The following MTTP variants were observed in gnomAD, a reference collection of about 807,000 sequenced individuals.
MTTP encodes microsomal triglyceride transfer protein large subunit.
A neutral mutation model predicts 90.6 loss-of-function variants in MTTP; 49 were observed. The ratio of observed to expected loss-of-function variants is 0.54; its 90% confidence interval spans 0.43 to 0.69. MTTP has a LOEUF of 0.69. Ranked by LOEUF, MTTP falls within the 30% of genes least tolerant of loss-of-function variation. The probability of loss-of-function intolerance (pLI) is 0.00; values close to 1 mark genes in which losing one functional copy is unlikely to be tolerated. For synonymous variants in MTTP, 347 were observed against 384.2 expected, an observed-to-expected ratio of 0.90 and a Z score of 1.13; for missense variants, 945 against 1,067.5, an observed-to-expected ratio of 0.89 and a Z score of 1.60.
intron 8 of MTTP, among the ~76,000 whole-genome samples, chr4:99,598,653 CTTTTTT>C (rs745529189): frequency 0.2 from 16,315 of 81,760 alleles, 1,377 homozygotes; most frequent in East Asian, 0.47. Context: ...TCAAGGAAGT[CTTTTTT>C]TTTTTTTTTT....
intron 1 of MTTP, among the ~76,000 whole-genome samples, chr4:99,567,772 G>C (rs936546554): frequency 6.6e-6 from 1 of 152,098 alleles, no homozygotes; most frequent in Non-Finnish European, 1.5e-5. Context: ...AGAGGAGACA[G>C]ATCTCAGAAA....
intron 4 of MTTP, 29 bp downstream of exon 4, chr4:99,589,779 C>T: frequency 1.5e-6 from 2 of 1,339,474 alleles, no homozygotes; most frequent in Non-Finnish European, 2.1e-6. Flanking sequence ...AAGGATTCAG[C>T]ATCTCAATAA....
rs773080754 is a variant in MTTP, at chr4:99,591,736, C to A, written c.704C>A (p.Thr235Lys). Residue 235 changes from threonine (T) to lysine (K), a missense_variant, in exon 6 of 18, where the codon ACA becomes AAA. Thr to Lys is a moderately conservative substitution (Grantham distance 78). Transcript: ENST00000265517. ...GTTATAGCTGTGCTTGCTGAAGAAA[C>A]ACACAATTTTGGACTGAATTTCCTA... is the stretch of plus-strand genomic sequence containing the variant. Reference protein sequence around the residue: ...SFVIAVLAEETHNFGLNFLQT... With the variant: ...SFVIAVLAEEKHNFGLNFLQT... The A allele has an allele frequency of 1.2e-6, 2 of 1,613,172 alleles. No homozygotes were observed. Among genetic ancestry groups the A allele is most frequent in the Non-Finnish European group, 1.7e-6 (2 of 1,179,456 alleles).
chr4:99,605,779 G>A (rs1330728181), intron 10 of MTTP, among the ~76,000 whole-genome samples: 1 of 152,038 alleles, frequency 6.6e-6, no homozygotes, highest in African/African-American at 2.4e-5. Flanking sequence ...CTGATTAAGT[G>A]TGATGTTTAG....
chr4:99,621,534 T>G (rs1726234060), intron 17 of MTTP, among the ~76,000 whole-genome samples: 1 of 152,146 alleles, frequency 6.6e-6, no homozygotes, highest in Non-Finnish European at 1.5e-5. Flanking sequence ...GCCACATAGT[T>G]TCATAAAAAA....
chr4:99,584,846 T>G (rs1213088132), intron 3 of MTTP, among the ~76,000 whole-genome samples: 6 of 152,092 alleles, frequency 3.9e-5, no homozygotes, highest in Admixed American at 2.6e-4. Flanking sequence ...CCCCTTCACC[T>G]CCATGCCCTT....
chr4:99,592,290 G>T (rs1725445886), intron 6 of MTTP, among the ~76,000 whole-genome samples: 2 of 152,126 alleles, frequency 1.3e-5, no homozygotes, highest in South Asian at 4.1e-4. Context: ...GTACACTACT[G>T]TAGACTTTAT....
intron 9 of MTTP, among the ~76,000 whole-genome samples, 186 bp downstream of exon 9, chr4:99,600,919 C>A (rs1725681122): frequency 6.6e-6 from 1 of 151,960 alleles, no homozygotes. Context: ...TCAGTTAGTG[C>A]CTTTTTCGTA....
At chr4:99,584,490 T>C (rs1402491060) in intron 3 of MTTP, among the ~76,000 whole-genome samples, 1 of 152,184 alleles carries the variant, frequency 6.6e-6, no homozygotes, top group African/African-American at 2.4e-5. Context: ...TTGCTAATCA[T>C]GATGCACATT....
At chr4:99,564,269 C>G in intron 1 of MTTP, 1 of 1,525,544 alleles carries the variant, frequency 6.6e-7, no homozygotes. Context: ...TAAGATAGTC[C>G]CACTGTTAAA....
chr4:99,573,883 G>C (rs1198816661), upstream of MTTP, among the ~76,000 whole-genome samples: 1 of 152,064 alleles, frequency 6.6e-6, no homozygotes, highest in East Asian at 1.9e-4. Flanking sequence ...CATTTTATAG[G>C]TTTAGTAGGT....
intron 2 of MTTP, 43 bp downstream of exon 2, chr4:99,582,135 A>C: frequency 6.2e-7 from 1 of 1,606,244 alleles, no homozygotes; most frequent in Non-Finnish European, 8.5e-7. Flanking sequence ...TAGATATCAG[A>C]AGTTTTTGAG....
At chr4:99,620,326 TCA>T (rs1726199007) in intron 16 of MTTP, among the ~76,000 whole-genome samples, 1 of 152,224 alleles carries the variant, frequency 6.6e-6, no homozygotes, top group African/African-American at 2.4e-5. Flanking sequence ...AAGCAGTTTC[TCA>T]CAGTTTGATT....
intron 10 of MTTP, among the ~76,000 whole-genome samples, chr4:99,603,522 C>G (rs10516445): frequency 0.47 from 71,635 of 151,830 alleles, 19,875 homozygotes; most frequent in African/African-American, 0.76. Context: ...AGAGGAGATA[C>G]ATTCAAGGGC....
intron 3 of MTTP, among the ~76,000 whole-genome samples, chr4:99,586,146 T>G (rs1164055664): frequency 2.0e-5 from 3 of 152,140 alleles, no homozygotes; most frequent in Non-Finnish European, 4.4e-5. Flanking sequence ...GCTCTCATAT[T>G]TACATTTTAA....
At position 99,608,954 on chromosome 4, in the gene MTTP, C is replaced by G. The variant is rs775753280; in HGVS notation, c.1746C>G (p.Ile582Met). 1.2e-6 allele frequency: 2 copies of G among 1,614,050 alleles called. No individual in the cohort carries two copies. Among genetic ancestry groups the G allele is most frequent in the South Asian group, 2.2e-5 (2 of 91,076 alleles). ...NKYMLAIVQD[I>M]LRFEMPASKI... ...ACATGCTCGCCATTGTTCAAGACAT[C>G]CTACGTTTTGAAATGCCTGCAAGGT... Residue 582 changes from isoleucine (I) to methionine (M), a missense_variant, in exon 12 of 18, where the codon ATC (isoleucine) becomes ATG (methionine). By Grantham distance (10) the Ile-to-Met change is conservative. Transcript: ENST00000265517.
chr4:99,597,045 G>T (rs775861326), intron 7 of MTTP, 22 bp from the exon 8 acceptor site: 4 of 1,613,024 alleles, frequency 2.5e-6, no homozygotes, highest in Non-Finnish European at 3.4e-6. Flanking sequence ...TGGGGTATGA[G>T]CCTGCAGTGT....
intron 1 of MTTP, among the ~76,000 whole-genome samples, chr4:99,565,221 G>A (rs1724645734): frequency 6.6e-6 from 1 of 152,110 alleles, no homozygotes; most frequent in African/African-American, 2.4e-5. Flanking sequence ...GCTCCTATGG[G>A]ATCTGTTTTA....
At chr4:99,570,062 C>T (rs1191502501), upstream of MTTP, among the ~76,000 whole-genome samples, 3 of 151,714 alleles carry the variant, frequency 2.0e-5, no homozygotes, top group African/African-American at 7.3e-5. Context: ...CCACAAGACA[C>T]TGTTATTAAG....
Sources: gnomAD v4.1 joint callset for allele counts (sites outside exome capture counted in the v4.1 genomes callset) on GRCh38, gnomAD v4.1.1 for gene constraint, MANE v1.5 for transcripts, NCBI Gene and HGNC (gene_info 2026-07-23, HGNC 2026-07-21) for gene names.